The following WWOX variants were observed in gnomAD, a reference collection of about 807,000 sequenced individuals.
The protein encoded by WWOX is WW domain-containing oxidoreductase.
Under a neutral mutation model 46.2 loss-of-function variants are expected in WWOX, and 69 were observed. That is an observed-to-expected ratio of 1.49 (90% confidence interval 1.23 to 1.82). The LOEUF is 1.82. WWOX is among the 40% of genes most tolerant of loss of function. WWOX has a pLI of 0.00. For synonymous variants in WWOX, 359 were observed against 202.6 expected, an observed-to-expected ratio of 1.77 and a Z score of -6.56; for missense variants, 919 against 542.6, an observed-to-expected ratio of 1.69 and a Z score of -6.89.
intron 8 of WWOX, among the ~76,000 whole-genome samples, chr16:78,926,681 GGT>G (rs2045506104): frequency 1.3e-5 from 2 of 152,164 alleles, no homozygotes; most frequent in Non-Finnish European, 2.9e-5. Context: ...CATTTGTTCA[GGT>G]GTTGTGGAGA....
At chr16:78,474,896 A>G (rs572753497) in intron 8 of WWOX, among the ~76,000 whole-genome samples, 1 of 152,282 alleles carries the variant, frequency 6.6e-6, no homozygotes, top group Admixed American at 6.5e-5. Flanking sequence ...TACTGCACCT[A>G]ATTTTTCAGT....
At chr16:79,028,391 T>C (rs1437706043) in intron 8 of WWOX, among the ~76,000 whole-genome samples, 1 of 151,904 alleles carries the variant, frequency 6.6e-6, no homozygotes, top group Non-Finnish European at 1.5e-5. Flanking sequence ...ATTCTACCTA[T>C]GTTTTCACAG....
chr16:78,308,064 G>A (rs1401250355), intron 5 of WWOX, among the ~76,000 whole-genome samples: 1 of 152,100 alleles, frequency 6.6e-6, no homozygotes, highest in African/African-American at 2.4e-5. Context: ...GCACTAGCAG[G>A]GACTGGACTG....
At chr16:78,904,483 T>C (rs1370940064) in intron 8 of WWOX, among the ~76,000 whole-genome samples, 1 of 152,018 alleles carries the variant, frequency 6.6e-6, no homozygotes, top group East Asian at 1.9e-4. Flanking sequence ...GTGATCTGCC[T>C]GCCCCAGCCT....
chr16:78,552,135 C>G (rs554346667), intron 8 of WWOX: 2 of 152,276 alleles, frequency 1.3e-5, no homozygotes, highest in South Asian at 2.1e-4. Flanking sequence ...CCAGGCAGTC[C>G]TTACAGGGAC....
At chr16:78,530,813 A>G (rs1164055432) in intron 8 of WWOX, among the ~76,000 whole-genome samples, 1 of 152,208 alleles carries the variant, frequency 6.6e-6, no homozygotes, top group Non-Finnish European at 1.5e-5. Context: ...AGCTGCTGCT[A>G]GAGATAGTGC....
intron 8 of WWOX, among the ~76,000 whole-genome samples, chr16:78,470,825 G>C (rs779811828): frequency 6.6e-6 from 1 of 152,116 alleles, no homozygotes; most frequent in African/African-American, 2.4e-5. Context: ...CACCATGCCC[G>C]ACCAGCAAGA....
intron 8 of WWOX, among the ~76,000 whole-genome samples, chr16:79,067,940 C>A (rs780567666): frequency 2.3e-4 from 35 of 152,186 alleles, no homozygotes; most frequent in Non-Finnish European, 4.8e-4. Flanking sequence ...AGGCAAGGCA[C>A]CTAAATCAGC....
At chr16:78,523,621 C>T (rs918767871) in intron 8 of WWOX, among the ~76,000 whole-genome samples, 1 of 152,152 alleles carries the variant, frequency 6.6e-6, no homozygotes, top group Non-Finnish European at 1.5e-5. Flanking sequence ...TTTTCTCCAC[C>T]TTGGGTGAAA....
intron 8 of WWOX, among the ~76,000 whole-genome samples, chr16:78,832,417 T>C (rs1057371386): frequency 6.6e-6 from 1 of 152,118 alleles, no homozygotes; most frequent in South Asian, 2.1e-4. Flanking sequence ...TACATTCTAT[T>C]GATTAGAAGA....
At chr16:78,166,339 A>G (rs1012653033) in intron 5 of WWOX, among the ~76,000 whole-genome samples, 1 of 152,210 alleles carries the variant, frequency 6.6e-6, no homozygotes, top group South Asian at 2.1e-4. Context: ...ATTCCAAGCA[A>G]TGGTGTTTCA....
intron 8 of WWOX, among the ~76,000 whole-genome samples, chr16:79,149,102 G>A (rs955096273): frequency 1.3e-5 from 2 of 152,058 alleles, no homozygotes; most frequent in Non-Finnish European, 2.9e-5. Context: ...TCCTTGCCTT[G>A]CTCCTGATCT....
intron 5 of WWOX, among the ~76,000 whole-genome samples, chr16:78,173,778 G>A (rs1407409512): frequency 3.9e-5 from 6 of 151,978 alleles, no homozygotes; most frequent in East Asian, 1.9e-4. Flanking sequence ...GTCTTACTTC[G>A]GGCTAATAAC....
intron 4 of WWOX, among the ~76,000 whole-genome samples, chr16:78,153,680 C>A (rs922208442): frequency 6.6e-6 from 1 of 152,048 alleles, no homozygotes; most frequent in South Asian, 2.1e-4. Flanking sequence ...ACATTTGTCC[C>A]CAGTGTTTCA....
chr16:78,390,463 G>A (rs1258752866), intron 6 of WWOX, among the ~76,000 whole-genome samples: 1 of 152,200 alleles, frequency 6.6e-6, no homozygotes, highest in African/African-American at 2.4e-5. Flanking sequence ...CTTCTAGGTT[G>A]AGAAACAAGG....
At chr16:79,013,375 G>A (rs921621860) in intron 8 of WWOX, among the ~76,000 whole-genome samples, 12 of 152,178 alleles carry the variant, frequency 7.9e-5, no homozygotes, top group South Asian at 2.1e-4. Context: ...GAACTGCCCC[G>A]ATCCCTATCT....
intron 8 of WWOX, among the ~76,000 whole-genome samples, chr16:79,029,021 A>G (rs914225932): frequency 2.1e-4 from 31 of 149,378 alleles, no homozygotes; most frequent in African/African-American, 7.0e-4. Flanking sequence ...AATACAAATT[A>G]TATTTGAGGA....
chr16:78,943,835 C>T (rs773764746), intron 8 of WWOX, among the ~76,000 whole-genome samples: 1 of 152,068 alleles, frequency 6.6e-6, no homozygotes, highest in Non-Finnish European at 1.5e-5. Context: ...AATGGCTCCC[C>T]GATGTCCCGA....
intron 8 of WWOX, among the ~76,000 whole-genome samples, chr16:78,903,496 A>T (rs1357838568): frequency 6.6e-6 from 1 of 152,174 alleles, no homozygotes; most frequent in Admixed American, 6.5e-5. Flanking sequence ...AAGCAAAACC[A>T]CTCAGAGGTA....
Sources: gnomAD v4.1 joint callset for allele counts (sites outside exome capture counted in the v4.1 genomes callset) on GRCh38, gnomAD v4.1.1 for gene constraint, MANE v1.5 for transcripts, NCBI Gene and HGNC (gene_info 2026-07-23, HGNC 2026-07-21) for gene names.